TAPT1: variants seen among roughly 807,000 people sequenced by gnomAD.
TAPT1 encodes transmembrane anterior posterior transformation 1.
TAPT1 carries 28 observed loss-of-function variants against 65.6 expected under a neutral mutation model. The ratio of observed to expected loss-of-function variants is 0.43; its 90% CI spans 0.32 to 0.59. The LOEUF is 0.59. TAPT1 is among the 20% of genes least tolerant of loss of function. The pLI is 0.09. For synonymous variants in TAPT1, 278 were observed against 245.2 expected (o/e 1.13, Z -1.25); for missense variants, 563 against 679.9 (o/e 0.83, Z 1.91).
chr4:16,178,919 A>G (rs1748525410), intron 8 of TAPT1: 1 of 152,246 alleles, frequency 6.6e-6, no homozygotes, highest in Admixed American at 6.5e-5. Flanking sequence ...AGGTAACTAA[A>G]GTACACTACA....
At chr4:16,199,530 G>A (rs1430543202) in intron 3 of TAPT1, among the ~76,000 whole-genome samples, 1 of 152,108 alleles carries the variant, frequency 6.6e-6, no homozygotes, top group Non-Finnish European at 1.5e-5. Context: ...GTAAATACTG[G>A]CAGAGGATTT....
chr4:16,195,072 G>T (rs143544103), intron 3 of TAPT1, among the ~76,000 whole-genome samples: 3,099 of 152,144 alleles, frequency 0.02, 52 homozygotes, highest in Admixed American at 0.054. Context: ...TAATAAAAAA[G>T]AAAGGCTGCC....
Position 16,186,552 on chromosome 4 carries a change from AAG to A in TAPT1, c.897_898del (p.Phe300SerfsTer5). 6.5e-7 allele frequency: 1 copy of A among 1,534,510 alleles called. No homozygotes were observed. Among genetic ancestry groups the A allele is most frequent in the Non-Finnish European group, 8.8e-7 (1 of 1,130,798 alleles). ...GTACATACCGCTATTTGACATTTGA[AAG>A]AGATTGTTCTTTTCAAACTTCTTGA... On this transcript the variant is annotated frameshift_variant, in exon 7 of 14. Coordinates refer to ENST00000405303, the MANE Select transcript of TAPT1 (RefSeq NM_153365.3). LOFTEE classifies it high-confidence loss of function.
chr4:16,210,356 A>G (rs1429888392), intron 2 of TAPT1, among the ~76,000 whole-genome samples: 2 of 152,190 alleles, frequency 1.3e-5, no homozygotes, highest in Admixed American at 1.3e-4. Context: ...CCTAAAAACC[A>G]CACCTCTCCC....
upstream of TAPT1, chr4:16,227,267 C>G (rs1560199665): frequency 2.2e-6 from 1 of 455,334 alleles, no homozygotes; most frequent in Admixed American, 2.4e-5. Flanking sequence ...TCTTTCGGGA[C>G]TGGGGTTAGG....
chr4:16,175,291 ATTAAGAAAGCTGAG>A (rs1349944226), intron 9 of TAPT1, among the ~76,000 whole-genome samples: 1 of 152,166 alleles, frequency 6.6e-6, no homozygotes, highest in Non-Finnish European at 1.5e-5. Flanking sequence ...ATCATTCTGC[ATTAAGAAAGCTGAG>A]AAAGTAAATG....
rs922675983 is a variant in TAPT1, at chr4:16,163,092, G to A, written c.*216C>T. 7 of 624,920 alleles carry A rather than the reference G, an allele frequency of 1.1e-5. No homozygotes were observed. The highest frequency in any genetic ancestry group is 2.1e-5 in the Non-Finnish European group (7 of 335,446). The allele number at this position is 624,920 out of a possible 1,614,324, so 38.7% of individuals were successfully genotyped here. On this transcript the variant is annotated 3_prime_UTR_variant, in exon 14 of 14. Coordinates refer to ENST00000405303, the MANE Select transcript of TAPT1 (RefSeq NM_153365.3). Reference sequence around the variant, plus strand: ...AGGAGGAAGTTTTATAATCCATCAAGCTTCCCAGACAGTCAAGGCCGGAGG... The same window carrying A: ...AGGAGGAAGTTTTATAATCCATCAAACTTCCCAGACAGTCAAGGCCGGAGG...
chr4:16,188,125 C>G, intron 5 of TAPT1, 95 bp downstream of exon 5: 1 of 1,032,624 alleles, frequency 9.7e-7, no homozygotes, highest in Admixed American at 2.6e-5. Context: ...CATACATTAT[C>G]TATATATCTT....
intron 4 of TAPT1, 52 bp downstream of exon 4, chr4:16,191,309 C>T (rs1380210980): frequency 3.9e-6 from 6 of 1,535,406 alleles, no homozygotes; most frequent in African/African-American, 2.7e-5. Context: ...GAACTGAAGA[C>T]TTGAAGCTGA....
chr4:16,197,068 A>T lies in TAPT1; in HGVS notation c.449+5394T>A, dbSNP rs58910775. Among the ~76,000 whole-genome samples, 39 of 152,328 alleles carry T rather than the reference A, an allele frequency of 2.6e-4. No individual in the cohort carries two copies. In the East Asian group the frequency reaches 5.4e-3, roughly 21 times the overall value. ...TGGGCAGAACTATTTCGAAAGAGGT[A>T]AGGCATACGAAGGAAACTCAAAAGG... On this transcript the variant is annotated intron_variant, in intron 3 of 13. Coordinates refer to ENST00000405303, the MANE Select transcript of TAPT1 (RefSeq NM_153365.3).
intron 5 of TAPT1, 113 bp downstream of exon 5, chr4:16,188,107 T>C: frequency 1.1e-6 from 1 of 870,888 alleles, no homozygotes; most frequent in Non-Finnish European, 1.7e-6. Flanking sequence ...ACATTAATCT[T>C]CAGGATACAT....
At chr4:16,165,305 T>G (rs977984074) in intron 13 of TAPT1, among the ~76,000 whole-genome samples, 7 of 152,152 alleles carry the variant, frequency 4.6e-5, no homozygotes, top group African/African-American at 1.7e-4. Flanking sequence ...GCATGGTGGC[T>G]CATGCCTGTA....
intron 1 of TAPT1, among the ~76,000 whole-genome samples, chr4:16,222,274 A>C (rs2108901947): frequency 6.6e-6 from 1 of 152,372 alleles, no homozygotes; most frequent in Admixed American, 6.5e-5. Flanking sequence ...CTGATCAAAA[A>C]CCAAAATAAG....
chr4:16,179,788 T>TTATATATATATATGTGTGTGTATATA (rs1553824992), intron 7 of TAPT1, 131 bp from the exon 8 acceptor site: 43 of 431,748 alleles, frequency 1.0e-4, no homozygotes, highest in African/African-American at 9.4e-4. Context: ...ATATACAACT[T>TTATATATATATATGTGTGTGTATATA]TATATATATA....
Position 16,186,592 on chromosome 4 carries a change from T to C in TAPT1, c.859A>G (p.Lys287Glu), listed in dbSNP as rs200499081. 6.5e-7 allele frequency: 1 copy of C among 1,531,752 alleles called. No individual in the cohort carries two copies. The highest frequency in any genetic ancestry group is 8.9e-7 in the Non-Finnish European group (1 of 1,128,250). 94.9% of individuals were successfully genotyped at this position (1,531,752 alleles called of 1,614,324 possible). Residue 287 changes from lysine (K) to glutamate (E), a missense_variant, in exon 7 of 14, where the codon AAA becomes GAA. Coordinates refer to ENST00000405303, the MANE Select transcript of TAPT1 (RefSeq NM_153365.3). ...TCAAACTTCTTGAAAACACTTCCTT[T>C]AATTTCAACAAACTGAAATAGTAAA... ...IMMSNNFVEI[K>E]GSVFKKFEKN...
At chr4:16,218,353 C>T (rs572842755) in intron 1 of TAPT1, among the ~76,000 whole-genome samples, 11 of 152,178 alleles carry the variant, frequency 7.2e-5, no homozygotes, top group Non-Finnish European at 1.5e-4. Context: ...TGCAGTGAGC[C>T]GAGATCGTGT....
intron 11 of TAPT1, among the ~76,000 whole-genome samples, chr4:16,173,687 CGTTT>C (rs771402573): frequency 1.6e-4 from 25 of 152,154 alleles, no homozygotes; most frequent in South Asian, 6.2e-4. Flanking sequence ...TAACCTATTT[CGTTT>C]GTTTCTAACT....
upstream of TAPT1, chr4:16,227,239 G>C: frequency 2.2e-6 from 1 of 455,474 alleles, no homozygotes; most frequent in South Asian, 1.6e-5. Flanking sequence ...CTGGCGCGCC[G>C]GCGGACTTTC....
At chr4:16,175,291 A>G (rs1224413401) in intron 9 of TAPT1, among the ~76,000 whole-genome samples, 1 of 152,166 alleles carries the variant, frequency 6.6e-6, no homozygotes, top group African/African-American at 2.4e-5. Context: ...ATCATTCTGC[A>G]TTAAGAAAGC....
Sources: gnomAD v4.1 joint callset for allele counts (sites outside exome capture counted in the v4.1 genomes callset) on GRCh38, gnomAD v4.1.1 for gene constraint, MANE v1.5 for transcripts, NCBI Gene and HGNC (gene_info 2026-07-23, HGNC 2026-07-21) for gene names.